RANBP2: variants seen among roughly 807,000 people sequenced by gnomAD.
RANBP2 encodes the protein E3 SUMO-protein ligase RanBP2.
RANBP2 carries 57 observed loss-of-function variants against 303.6 expected under a neutral mutation model. The observed-to-expected ratio is 0.19, with a 90% CI of 0.15 to 0.23. The LOEUF (loss-of-function observed/expected upper bound fraction) is 0.23. RANBP2 is among the 10% of genes least tolerant of loss of function. RANBP2 has a pLI of 1.00. For missense variants in RANBP2, 3,138 were observed against 3,780.8 expected (o/e 0.83, Z 4.46); for synonymous variants, 1,167 against 1,301.5 (o/e 0.90, Z 2.23).
chr2:109,501,784 C>A, the RANBP2 span: 1 of 630,382 alleles, frequency 1.6e-6, no homozygotes, highest in Non-Finnish European at 2.9e-6. Flanking sequence ...CTCCAAGGCA[C>A]CTGGCGGGGG....
At chr2:109,730,294 C>G in the RANBP2 span, among the ~76,000 whole-genome samples, 8 of 152,144 alleles carry the variant, frequency 5.3e-5, no homozygotes, top group Non-Finnish European at 1.2e-4. Context: ...AAACCTCTTG[C>G]TGATCTGCTT....
chr2:109,361,263 G>A, the RANBP2 span, among the ~76,000 whole-genome samples: 1 of 152,306 alleles, frequency 6.6e-6, no homozygotes, highest in Admixed American at 6.5e-5. Flanking sequence ...TTATGTTCAT[G>A]AGATATATAG....
At chr2:109,082,825 CT>C in the RANBP2 span, among the ~76,000 whole-genome samples, 8,470 of 123,664 alleles carry the variant, frequency 0.068, 239 homozygotes, top group East Asian at 0.11. Flanking sequence ...GACCCCATGT[CT>C]TTTTTTTTTT....
chr2:109,374,167 C>T, the RANBP2 span, among the ~76,000 whole-genome samples: 1 of 152,194 alleles, frequency 6.6e-6, no homozygotes, highest in Non-Finnish European at 1.5e-5. Context: ...TTCCACCCAC[C>T]TGGATAGGAA....
At chr2:109,161,389 C>T in the RANBP2 span, among the ~76,000 whole-genome samples, 11 of 152,016 alleles carry the variant, frequency 7.2e-5, 1 homozygote, top group African/African-American at 2.7e-4. Flanking sequence ...GGGGCAGCCT[C>T]CTGAGCCTTC....
chr2:108,728,658 C>T (rs978610361), intron 1 of RANBP2, among the ~76,000 whole-genome samples: 4 of 151,418 alleles, frequency 2.6e-5, no homozygotes, highest in African/African-American at 7.3e-5. Flanking sequence ...GATGGAGTCT[C>T]GCTCTGTCGC....
chr2:109,286,124 G>A, the RANBP2 span, among the ~76,000 whole-genome samples: 1 of 152,278 alleles, frequency 6.6e-6, no homozygotes, highest in East Asian at 1.9e-4. Flanking sequence ...GACCCTGCAG[G>A]CCTGGTGCTT....
At chr2:109,313,569 G>A in the RANBP2 span, 2 of 154,920 alleles carry the variant, frequency 1.3e-5, no homozygotes, top group African/African-American at 4.8e-5. Context: ...GGCCCAGATA[G>A]GGACTGTCCT....
chr2:109,406,251 G>T, the RANBP2 span, among the ~76,000 whole-genome samples: 1 of 152,100 alleles, frequency 6.6e-6, no homozygotes. Context: ...GGCCATTCAG[G>T]CCAACTCCAC....
chr2:109,012,256 G>C, the RANBP2 span, among the ~76,000 whole-genome samples: 835 of 152,320 alleles, frequency 5.5e-3, 11 homozygotes, highest in African/African-American at 0.019. Context: ...TTGCTCCCCT[G>C]GAGGGTATGA....
the RANBP2 span, among the ~76,000 whole-genome samples, chr2:109,709,026 G>A: frequency 6.6e-6 from 1 of 151,214 alleles, no homozygotes. Context: ...AATGGGGCCA[G>A]GTGCAGTGGG....
the RANBP2 span, among the ~76,000 whole-genome samples, chr2:109,539,881 T>C: frequency 2.6e-5 from 4 of 152,230 alleles, no homozygotes; most frequent in Admixed American, 6.5e-5. Flanking sequence ...CAGTAGCTTG[T>C]TCCCTTTCAT....
At chr2:109,011,746 C>T in the RANBP2 span, among the ~76,000 whole-genome samples, 1 of 152,288 alleles carries the variant, frequency 6.6e-6, no homozygotes, top group South Asian at 2.1e-4. Context: ...TCCTCACTCA[C>T]CTTTACTTGA....
chr2:108,845,085 G>A, the RANBP2 span, among the ~76,000 whole-genome samples: 8 of 151,932 alleles, frequency 5.3e-5, no homozygotes, highest in Non-Finnish European at 1.5e-5. Flanking sequence ...TTATAAAAGT[G>A]TAGTAGTAAA....
chr2:109,370,245 C>CTT, the RANBP2 span, among the ~76,000 whole-genome samples: 14 of 142,806 alleles, frequency 9.8e-5, no homozygotes, highest in African/African-American at 1.3e-4. Context: ...CTCTCTTTTT[C>CTT]TTTTTTTTTT....
the RANBP2 span, among the ~76,000 whole-genome samples, chr2:109,477,849 A>G: frequency 3.9e-5 from 6 of 152,150 alleles, no homozygotes; most frequent in South Asian, 2.1e-4. Context: ...TCCTAAGGCT[A>G]TCACACTGGG....
chr2:109,241,979 G>C, the RANBP2 span, among the ~76,000 whole-genome samples: 1 of 151,820 alleles, frequency 6.6e-6, no homozygotes, highest in East Asian at 1.9e-4. Context: ...TGGTTTTCTT[G>C]GCCTGACACC....
chr2:109,389,985 G>A, the RANBP2 span, among the ~76,000 whole-genome samples: 2 of 152,250 alleles, frequency 1.3e-5, no homozygotes, highest in South Asian at 2.1e-4. Flanking sequence ...TAAGATCTGC[G>A]ATTTCTAAGG....
chr2:109,187,189 C>A, the RANBP2 span, among the ~76,000 whole-genome samples: 1 of 152,208 alleles, frequency 6.6e-6, no homozygotes, highest in Admixed American at 6.5e-5. Flanking sequence ...AGAAAGTATT[C>A]CCAAAGGCAT....
Sources: allele counts gnomAD v4.1 joint callset (sites outside exome capture counted in the v4.1 genomes callset), GRCh38; gene constraint gnomAD v4.1.1; transcripts MANE v1.5; gene names NCBI Gene and HGNC (gene_info 2026-07-23, HGNC 2026-07-21).